RABGAP1L: variants seen among roughly 807,000 people sequenced by gnomAD.
The protein encoded by RABGAP1L is rab GTPase-activating protein 1-like.
In RABGAP1L, 63 loss-of-function variants were observed where a neutral mutation model predicts 137.7. The observed-to-expected ratio is 0.46, with a 90% confidence interval of 0.37 to 0.56. The LOEUF is 0.56. Among genes scored for constraint, RABGAP1L ranks in the 20% least tolerant of loss-of-function variants. The probability of loss-of-function intolerance (pLI) is 0.00; values close to 1 mark genes in which losing one functional copy is unlikely to be tolerated. For synonymous variants in RABGAP1L, 431 were observed against 433.7 expected (o/e 0.99, Z 0.08); for missense variants, 1,095 against 1,244.0 (o/e 0.88, Z 1.80).
At chr1:174,246,244 C>G (rs186808480) in intron 5 of RABGAP1L, 67 of 152,292 alleles carry the variant, frequency 4.4e-4, no homozygotes, top group African/African-American at 1.5e-3. Flanking sequence ...CAGCAACAAA[C>G]TCAAACAGAT....
At chr1:174,881,249 A>G (rs1217050409) in intron 19 of RABGAP1L, among the ~76,000 whole-genome samples, 2 of 152,144 alleles carry the variant, frequency 1.3e-5, no homozygotes, top group Non-Finnish European at 2.9e-5. Flanking sequence ...CCTGTAGCTC[A>G]TTTTTAAATA....
chr1:174,650,370 C>T (rs947299662), intron 14 of RABGAP1L, among the ~76,000 whole-genome samples: 131 of 152,198 alleles, frequency 8.6e-4, no homozygotes, highest in African/African-American at 2.7e-3. Context: ...GGGAGGATTC[C>T]GTCTTTTTCT....
At chr1:174,937,637 T>TATATATATATATATATATATATATATA in intron 19 of RABGAP1L, among the ~76,000 whole-genome samples, 14 of 138,512 alleles carry the variant, frequency 1.0e-4, no homozygotes, top group African/African-American at 2.1e-4. Flanking sequence ...TATATATATC[T>TATATATATATATATATATATATATATA]TGCAGTTAGA....
chr1:174,547,738 A>G lies in RABGAP1L; in HGVS notation c.1711-89637A>G, dbSNP rs1356524124. 23 of 1,013,542 alleles carry G rather than the reference A, an allele frequency of 2.3e-5. 1 individual carries two copies. Among genetic ancestry groups the G allele is most frequent in the South Asian group, 2.2e-4 (13 of 59,882 alleles). The allele number at this position is 1,013,542 out of a possible 1,614,324, so 62.8% of individuals were successfully genotyped here. A position where few individuals can be genotyped will look rare whatever the true frequency, so the allele number is the denominator to read the frequency against. The stretch of plus-strand genomic sequence containing the variant: ...GGGAATTTATCTGCAAAGTTTGGAT[A>G]TGGAGTCATTGTATTTGTATTTAAA... On this transcript the variant is annotated intron_variant, in intron 13 of 25. Transcript: ENST00000681986.
chr1:174,210,701 T>C (rs1249096601), intron 1 of RABGAP1L, among the ~76,000 whole-genome samples: 1 of 152,090 alleles, frequency 6.6e-6, no homozygotes, highest in African/African-American at 2.4e-5. Context: ...AACAGAGAAC[T>C]TACCAAATCT....
chr1:174,688,531 T>G (rs915316677), intron 15 of RABGAP1L, among the ~76,000 whole-genome samples: 13 of 152,112 alleles, frequency 8.5e-5, no homozygotes, highest in African/African-American at 2.2e-4. Context: ...GATAAAGATA[T>G]GCACACCCAG....
At chr1:174,723,591 A>G (rs559262633) in intron 17 of RABGAP1L, among the ~76,000 whole-genome samples, 2 of 152,218 alleles carry the variant, frequency 1.3e-5, no homozygotes, top group South Asian at 2.1e-4. Context: ...TGTCTTTTCG[A>G]CACATGTATT....
At chr1:174,987,292 G>A (rs1486321914) in intron 24 of RABGAP1L, among the ~76,000 whole-genome samples, 1 of 152,080 alleles carries the variant, frequency 6.6e-6, no homozygotes, top group Non-Finnish European at 1.5e-5. Context: ...TCAGCCGCCT[G>A]AGTAGCTGGG....
chr1:174,862,559 G>A (rs1057317549), intron 19 of RABGAP1L, among the ~76,000 whole-genome samples: 1 of 152,100 alleles, frequency 6.6e-6, no homozygotes, highest in African/African-American at 2.4e-5. Flanking sequence ...ATCTCATTTG[G>A]TGCTAGTAGA....
At chr1:174,851,618 A>G (rs749487397) in intron 19 of RABGAP1L, among the ~76,000 whole-genome samples, 2 of 151,424 alleles carry the variant, frequency 1.3e-5, no homozygotes, top group East Asian at 3.9e-4. Flanking sequence ...GGCTCAAGCA[A>G]TCTTCCCATC....
intron 11 of RABGAP1L, among the ~76,000 whole-genome samples, chr1:174,368,487 C>T (rs576743633): frequency 3.0e-4 from 46 of 152,284 alleles, no homozygotes; most frequent in Non-Finnish European, 5.4e-4. Context: ...TTTATACTCT[C>T]TGTCAATGTA....
chr1:174,378,538 G>C (rs944139750), intron 12 of RABGAP1L, among the ~76,000 whole-genome samples: 47 of 152,150 alleles, frequency 3.1e-4, no homozygotes, highest in African/African-American at 9.6e-4. Flanking sequence ...GATGGCCAGT[G>C]ATGATGAGCA....
intron 13 of RABGAP1L, among the ~76,000 whole-genome samples, chr1:174,621,398 C>G (rs1355938236): frequency 6.6e-6 from 1 of 152,214 alleles, no homozygotes; most frequent in South Asian, 2.1e-4. Context: ...ACTGCCAATT[C>G]AATCCTAAGC....
intron 17 of RABGAP1L, among the ~76,000 whole-genome samples, chr1:174,747,670 A>C (rs1035732327): frequency 2.0e-5 from 3 of 152,086 alleles, no homozygotes; most frequent in Admixed American, 6.6e-5. Context: ...TTAGCTTCCC[A>C]AACTTCAAAA....
At chr1:174,645,315 G>A (rs1300130471) in intron 14 of RABGAP1L, among the ~76,000 whole-genome samples, 1 of 151,954 alleles carries the variant, frequency 6.6e-6, no homozygotes, top group Non-Finnish European at 1.5e-5. Flanking sequence ...GTATAGATGT[G>A]CCATGGTTGT....
intron 17 of RABGAP1L, among the ~76,000 whole-genome samples, chr1:174,746,738 C>T (rs906588526): frequency 1.6e-4 from 25 of 152,248 alleles, no homozygotes; most frequent in African/African-American, 5.1e-4. Context: ...TAGATCTGCA[C>T]TTATTAGCTA....
intron 11 of RABGAP1L, among the ~76,000 whole-genome samples, chr1:174,336,185 T>C (rs968775405): frequency 6.6e-6 from 1 of 152,252 alleles, no homozygotes; most frequent in Admixed American, 6.5e-5. Context: ...TGATCATGGC[T>C]CACTGTAGCC....
chr1:174,612,186 G>C (rs2148216817), intron 13 of RABGAP1L, among the ~76,000 whole-genome samples: 1 of 152,300 alleles, frequency 6.6e-6, no homozygotes, highest in South Asian at 2.1e-4. Flanking sequence ...GATATTGGCT[G>C]TGGGTCTGTC....
intron 7 of RABGAP1L, among the ~76,000 whole-genome samples, chr1:174,253,433 T>C (rs1309231626): frequency 6.6e-6 from 1 of 152,174 alleles, no homozygotes; most frequent in Non-Finnish European, 1.5e-5. Flanking sequence ...ATTGGACACA[T>C]AAGTCTTATT....
Sources: allele counts gnomAD v4.1 joint callset (sites outside exome capture counted in the v4.1 genomes callset), GRCh38; gene constraint gnomAD v4.1.1; transcripts MANE v1.5; gene names NCBI Gene and HGNC (gene_info 2026-07-23, HGNC 2026-07-21).